Variants in TAFA2 observed in about 807,000 individuals in gnomAD.
TAFA2 encodes chemokine-like protein TAFA-2.
A neutral mutation model predicts 18.8 loss-of-function variants in TAFA2; 7 were observed. That is an observed-to-expected ratio of 0.37 (90% CI 0.21 to 0.70). TAFA2 has a LOEUF of 0.70. Among genes scored for constraint, TAFA2 ranks in the 30% least tolerant of loss-of-function variants. TAFA2 has a pLI of 0.53. For synonymous variants in TAFA2, 60 were observed against 54.2 expected (o/e 1.11, Z -0.47); for missense variants, 122 against 158.1 (o/e 0.77, Z 1.23).
At chr12:61,972,812 C>G (rs1879295985) in intron 1 of TAFA2, among the ~76,000 whole-genome samples, 1 of 151,416 alleles carries the variant, frequency 6.6e-6, no homozygotes, top group African/African-American at 2.4e-5. Flanking sequence ...CAAAAGATAT[C>G]TCAGGAAAAG....
chr12:62,176,028 C>T (rs1242971196), intron 1 of TAFA2, among the ~76,000 whole-genome samples: 2 of 151,954 alleles, frequency 1.3e-5, no homozygotes, highest in East Asian at 3.9e-4. Context: ...TTTGATGTTG[C>T]CATATTAAAG....
At chr12:62,003,939 T>C (rs1012377836) in intron 1 of TAFA2, among the ~76,000 whole-genome samples, 4 of 152,194 alleles carry the variant, frequency 2.6e-5, no homozygotes, top group African/African-American at 9.6e-5. Context: ...AAGGAGAACG[T>C]TTCTAATTGA....
intron 1 of TAFA2, among the ~76,000 whole-genome samples, chr12:61,949,374 G>C (rs775867609): frequency 3.3e-5 from 5 of 152,068 alleles, no homozygotes; most frequent in Non-Finnish European, 7.4e-5. Context: ...TTTGGACTCA[G>C]ACAGGAGTCA....
Position 62,183,586 on chromosome 12 carries a change from T to C in TAFA2, c.-2+7673A>G, listed in dbSNP as rs547998839. Among the ~76,000 whole-genome samples, 25 of 152,288 alleles carry C rather than the reference T, an allele frequency of 1.6e-4. 1 individual carries two copies. In the South Asian group the frequency reaches 1.9e-3, roughly 11 times the overall value. On this transcript the variant is annotated intron_variant, in intron 1 of 4. Transcript: ENST00000416284. Reference sequence around the variant, plus strand: ...TTCTTGCAGAGACAGGGTTTCATCATATTGCCCAGGCTGGTCTCAAACTTT... The same window carrying C: ...TTCTTGCAGAGACAGGGTTTCATCACATTGCCCAGGCTGGTCTCAAACTTT...
intron 1 of TAFA2, chr12:62,242,708 C>T (rs770193940): frequency 6.6e-6 from 1 of 152,190 alleles, no homozygotes; most frequent in Non-Finnish European, 1.5e-5. Context: ...TGGCAGTATG[C>T]ACATATTATT....
intron 1 of TAFA2, among the ~76,000 whole-genome samples, chr12:61,892,793 C>G (rs937352526): frequency 6.6e-6 from 1 of 152,168 alleles, no homozygotes; most frequent in Non-Finnish European, 1.5e-5. Context: ...GAGAAAAGAT[C>G]GTTCCACTGC....
chr12:62,204,788 G>A (rs555858192), intron 1 of TAFA2, among the ~76,000 whole-genome samples: 1 of 152,222 alleles, frequency 6.6e-6, no homozygotes, highest in East Asian at 1.9e-4. Flanking sequence ...TTAGCTCAGT[G>A]AAGTTCATTA....
chr12:62,008,529 TATC>T (rs1442028197), intron 1 of TAFA2, among the ~76,000 whole-genome samples: 2 of 152,160 alleles, frequency 1.3e-5, no homozygotes, highest in East Asian at 1.9e-4. Flanking sequence ...CTATTAAAAG[TATC>T]ATCGCACAAC....
At chr12:62,082,395 C>T (rs1247063984) in intron 1 of TAFA2, among the ~76,000 whole-genome samples, 1 of 152,270 alleles carries the variant, frequency 6.6e-6, no homozygotes, top group East Asian at 1.9e-4. Context: ...CACTAATGCT[C>T]CTTTCATCTT....
intron 2 of TAFA2, among the ~76,000 whole-genome samples, chr12:61,830,651 T>C (rs1333135286): frequency 2.0e-5 from 3 of 151,952 alleles, no homozygotes; most frequent in African/African-American, 7.2e-5. Context: ...ATACAATGTA[T>C]ACTATTCGAG....
intron 1 of TAFA2, among the ~76,000 whole-genome samples, chr12:62,132,490 T>C (rs1296165243): frequency 6.6e-6 from 1 of 151,962 alleles, no homozygotes; most frequent in Non-Finnish European, 1.5e-5. Context: ...ATATAATAAA[T>C]ATTTTATAAT....
rs116728073 is a variant in TAFA2, at chr12:61,873,806, C to T, written c.-1-6380G>A. Among the ~76,000 whole-genome samples the T allele has an allele frequency of 7.1e-3, 1,076 of 152,116 alleles. 11 individuals carry two copies. The highest frequency in any genetic ancestry group is 0.024 in the African/African-American group (1,011 of 41,528). ...GACACTATGCCTGAATATAGAATAT[C>T]CAAGTTATTACTGAAATAGCAATTG... On this transcript the variant is annotated intron_variant, in intron 1 of 4. Transcript: ENST00000416284.
At chr12:61,875,088 A>T (rs1469598805) in intron 1 of TAFA2, among the ~76,000 whole-genome samples, 1 of 152,124 alleles carries the variant, frequency 6.6e-6, no homozygotes, top group Non-Finnish European at 1.5e-5. Context: ...AAATTTGTCA[A>T]CTTTACTTAA....
At chr12:61,745,063 A>G (rs1171425294) in intron 4 of TAFA2, among the ~76,000 whole-genome samples, 1 of 152,114 alleles carries the variant, frequency 6.6e-6, no homozygotes, top group African/African-American at 2.4e-5. Flanking sequence ...ATTATTTAAT[A>G]TAAATATCAC....
At chr12:62,257,872 AT>A (rs2136998487) in intron 1 of TAFA2, among the ~76,000 whole-genome samples, 1 of 152,326 alleles carries the variant, frequency 6.6e-6, no homozygotes, top group African/African-American at 2.4e-5. Flanking sequence ...ACTTTAACCA[AT>A]TTATGAACAA....
In TAFA2 at chr12:61,753,604, A is replaced by G. The variant is rs1261339209; in HGVS notation, c.384+18T>C. 1.2e-6 allele frequency: 2 copies of G among 1,606,510 alleles called. No homozygotes were observed. The highest frequency in any genetic ancestry group is 1.7e-6 in the Non-Finnish European group (2 of 1,175,762). On this transcript the variant is annotated intron_variant, in intron 4 of 4. Transcript: ENST00000416284. ...AATTCAGAGACATTCTGTTTTCCCA[A>G]GCTTGCTGTCCACTTACCCTAGTTG...
chr12:62,150,002 T>G (rs1364613025), intron 1 of TAFA2, among the ~76,000 whole-genome samples: 7 of 152,204 alleles, frequency 4.6e-5, no homozygotes, highest in African/African-American at 1.7e-4. Context: ...CCAAGAAACC[T>G]GTAATCCCTT....
chr12:62,048,099 G>C (rs1323103225), intron 1 of TAFA2, among the ~76,000 whole-genome samples: 1 of 152,150 alleles, frequency 6.6e-6, no homozygotes, highest in Non-Finnish European at 1.5e-5. Flanking sequence ...GAATAGTTTT[G>C]ATAACAGCAA....
chr12:62,224,065 T>C (rs2136980330), intron 1 of TAFA2, among the ~76,000 whole-genome samples: 1 of 146,020 alleles, frequency 6.8e-6, no homozygotes, highest in South Asian at 2.2e-4. Context: ...ATAAACAAAA[T>C]GTGTTTTATA....
Sources: gnomAD v4.1 joint callset for allele counts (sites outside exome capture counted in the v4.1 genomes callset) on GRCh38, gnomAD v4.1.1 for gene constraint, MANE v1.5 for transcripts, NCBI Gene and HGNC (gene_info 2026-07-23, HGNC 2026-07-21) for gene names.